BTBD9: variants seen among roughly 807,000 people sequenced by gnomAD.
BTBD9 encodes BTB/POZ domain-containing protein 9.
BTBD9 carries 49 observed loss-of-function variants against 64.3 expected under a neutral mutation model. That is an observed-to-expected ratio of 0.76 (90% CI 0.61 to 0.97). The LOEUF (loss-of-function observed/expected upper bound fraction) is 0.97. BTBD9 is among the 50% of genes least tolerant of loss of function. The pLI is 0.00. For synonymous variants in BTBD9, 260 were observed against 274.7 expected (o/e 0.95, Z 0.53); for missense variants, 598 against 762.1 (o/e 0.78, Z 2.53).
At chr6:38,452,090 A>G (rs1769582854) in intron 6 of BTBD9, among the ~76,000 whole-genome samples, 1 of 152,124 alleles carries the variant, frequency 6.6e-6, no homozygotes, top group Non-Finnish European at 1.5e-5. Flanking sequence ...ATCCTCACAG[A>G]TAACAATAAC....
intron 6 of BTBD9, among the ~76,000 whole-genome samples, chr6:38,436,030 C>G (rs1768721023): frequency 6.6e-6 from 1 of 151,900 alleles, no homozygotes; most frequent in African/African-American, 2.4e-5. Context: ...ATTCTAAGTA[C>G]AAAGTTAACA....
At chr6:38,207,643 C>A (rs919536540) in intron 9 of BTBD9, among the ~76,000 whole-genome samples, 14 of 150,354 alleles carry the variant, frequency 9.3e-5, no homozygotes, top group African/African-American at 2.9e-4. Flanking sequence ...AACAAACAAA[C>A]ATTAAACATC....
intron 7 of BTBD9, among the ~76,000 whole-genome samples, chr6:38,335,339 G>A (rs1324188191): frequency 2.7e-5 from 4 of 150,070 alleles, no homozygotes; most frequent in South Asian, 2.1e-4. Context: ...TGCAACCTCC[G>A]CCTCCTGGGT....
At chr6:38,303,139 G>A (rs12215330) in intron 7 of BTBD9, among the ~76,000 whole-genome samples, 56,180 of 151,960 alleles carry the variant, frequency 0.37, 11,413 homozygotes, top group Non-Finnish European at 0.47. Flanking sequence ...AAGCTTTTTA[G>A]TTTGGTGTAA....
At chr6:38,316,509 C>A (rs1763034586) in intron 7 of BTBD9, among the ~76,000 whole-genome samples, 1 of 151,758 alleles carries the variant, frequency 6.6e-6, no homozygotes, top group Non-Finnish European at 1.5e-5. Flanking sequence ...GTAATATGAC[C>A]CATTATTTTA....
intron 9 of BTBD9, among the ~76,000 whole-genome samples, chr6:38,223,412 G>A (rs1763283656): frequency 6.6e-6 from 1 of 152,150 alleles, no homozygotes; most frequent in Admixed American, 6.6e-5. Context: ...ATAGTTCACT[G>A]CAGCCTCAAA....
rs189163390 is a variant in BTBD9, at chr6:38,288,189, A to T, written c.1454+83T>A. The T allele has an allele frequency of 3.4e-5, 47 of 1,364,168 alleles. No homozygotes were observed. In the African/African-American group the frequency reaches 5.9e-4, roughly 17 times the overall value. The allele number at this position is 1,364,168 out of a possible 1,614,324, so 84.5% of individuals were successfully genotyped here. On this transcript the variant is annotated intron_variant, in intron 8 of 10. Transcript: ENST00000481247. ...ACAGTAGAATTTCTTCACTGAAGTT[A>T]TTAGGATTATCATTTTACCAAAATA...
intron 7 of BTBD9, among the ~76,000 whole-genome samples, chr6:38,293,139 T>C (rs1321523099): frequency 6.6e-6 from 1 of 151,794 alleles, no homozygotes; most frequent in Admixed American, 6.6e-5. Context: ...TGAGTGAGTT[T>C]CTCCACTGCT....
intron 9 of BTBD9, among the ~76,000 whole-genome samples, chr6:38,204,146 T>C (rs980343112): frequency 2.0e-5 from 3 of 152,118 alleles, no homozygotes; most frequent in African/African-American, 7.2e-5. Flanking sequence ...GTGTGGCCAC[T>C]TTGGAAAACA....
intron 9 of BTBD9, among the ~76,000 whole-genome samples, chr6:38,204,288 A>C (rs1762564001): frequency 1.3e-5 from 2 of 152,290 alleles, no homozygotes; most frequent in African/African-American, 4.8e-5. Flanking sequence ...TCACAGCTGC[A>C]TTATTCATAA....
At chr6:38,226,402 C>T (rs754112920) in intron 9 of BTBD9, among the ~76,000 whole-genome samples, 5 of 152,112 alleles carry the variant, frequency 3.3e-5, no homozygotes, top group Non-Finnish European at 7.4e-5. Flanking sequence ...AGAGTGGGGG[C>T]AGGGGTTCCT....
intron 6 of BTBD9, among the ~76,000 whole-genome samples, chr6:38,437,490 G>A (rs1272721496): frequency 6.6e-6 from 1 of 152,048 alleles, no homozygotes; most frequent in African/African-American, 2.4e-5. Context: ...CTGAAAAGAA[G>A]ACATGTGAAA....
chr6:38,503,532 G>C (rs1019461759), intron 6 of BTBD9, among the ~76,000 whole-genome samples: 1 of 152,048 alleles, frequency 6.6e-6, no homozygotes, highest in Non-Finnish European at 1.5e-5. Context: ...CCAGAGCCAG[G>C]AGATAGAGGA....
chr6:38,458,520 A>G (rs1166290011), intron 6 of BTBD9, among the ~76,000 whole-genome samples: 3 of 152,206 alleles, frequency 2.0e-5, no homozygotes, highest in Admixed American at 1.3e-4. Flanking sequence ...CTATCATGAT[A>G]TAAGATTCCC....
intron 9 of BTBD9, among the ~76,000 whole-genome samples, chr6:38,201,060 CAA>C (rs1156283159): frequency 1.3e-5 from 2 of 151,768 alleles, no homozygotes; most frequent in African/African-American, 4.8e-5. Context: ...ATCCCAAAAC[CAA>C]AGAGGAGGGA....
chr6:38,591,811 G>A (rs1312155515), intron 4 of BTBD9, among the ~76,000 whole-genome samples: 1 of 152,162 alleles, frequency 6.6e-6, no homozygotes, highest in African/African-American at 2.4e-5. Context: ...CACCACTTAA[G>A]TGGTGATAAG....
intron 6 of BTBD9, among the ~76,000 whole-genome samples, chr6:38,484,141 T>A (rs1771290887): frequency 6.6e-6 from 1 of 152,198 alleles, no homozygotes; most frequent in Admixed American, 6.5e-5. Flanking sequence ...TGTGTTCAGC[T>A]CTTTGCTCTT....
intron 6 of BTBD9, among the ~76,000 whole-genome samples, chr6:38,561,948 A>G (rs1418251608): frequency 6.6e-6 from 1 of 152,192 alleles, no homozygotes; most frequent in Non-Finnish European, 1.5e-5. Flanking sequence ...AATTAGAGAG[A>G]GAGAAAGAGA....
At position 38,209,129 on chromosome 6, in the gene BTBD9, C is replaced by T. The variant is rs73410484; in HGVS notation, c.1563-16532G>A. On this transcript the variant is annotated intron_variant, in intron 9 of 10. Transcript: ENST00000481247. ...AGATCTGGCATGCATGAGTCCTCTT[C>T]CCTGCCTGACAACAGCTGGAGATGA... is the stretch of plus-strand genomic sequence containing the variant. Among the ~76,000 whole-genome samples the T allele has an allele frequency of 9.3e-3, 1,415 of 152,338 alleles. 22 individuals are homozygous for T. The highest frequency in any genetic ancestry group is 0.031 in the African/African-American group (1,301 of 41,576).
Sources: gnomAD v4.1 joint callset for allele counts (sites outside exome capture counted in the v4.1 genomes callset) on GRCh38, gnomAD v4.1.1 for gene constraint, MANE v1.5 for transcripts, NCBI Gene and HGNC (gene_info 2026-07-23, HGNC 2026-07-21) for gene names.